The following RASSF6 variants were observed in gnomAD, a reference collection of about 807,000 sequenced individuals.
RASSF6 encodes Ras association domain family member 6, also known as ras association domain-containing protein 6.
RASSF6 carries 52 observed loss-of-function variants against 44.0 expected under a neutral mutation model. The ratio of observed to expected loss-of-function variants is 1.18; its 90% CI spans 0.95 to 1.49. RASSF6 has a LOEUF of 1.49. Ranked by LOEUF, RASSF6 falls within the 40% of genes most tolerant of loss-of-function variation. RASSF6 has a pLI of 0.00. For missense variants in RASSF6, 464 were observed against 393.3 expected (o/e 1.18, Z -1.52); for synonymous variants, 162 against 124.6 (o/e 1.30, Z -2.00).
intron 2 of RASSF6, among the ~76,000 whole-genome samples, chr4:73,607,112 A>T (rs985817843): frequency 6.6e-6 from 1 of 152,224 alleles, no homozygotes; most frequent in Non-Finnish European, 1.5e-5. Flanking sequence ...CCTTGCTGCT[A>T]TTCAGAGGAT....
chr4:73,580,682 T>C (rs1203227236), intron 8 of RASSF6, among the ~76,000 whole-genome samples: 1 of 149,036 alleles, frequency 6.7e-6, no homozygotes, highest in East Asian at 2.0e-4. Flanking sequence ...TTTTGAGAAG[T>C]GTCTATTCAT....
intron 3 of RASSF6, among the ~76,000 whole-genome samples, chr4:73,593,893 TTTTAATTCTCTAATTTTG>T (rs1724751226): frequency 6.6e-6 from 1 of 152,240 alleles, no homozygotes; most frequent in Non-Finnish European, 1.5e-5. Context: ...TTAAGTGGAA[TTTTAATTCTCTAATTTTG>T]TTTAATTTAA....
intron 3 of RASSF6, among the ~76,000 whole-genome samples, chr4:73,595,772 T>A (rs1724898396): frequency 6.6e-6 from 1 of 152,166 alleles, no homozygotes; most frequent in African/African-American, 2.4e-5. Flanking sequence ...CACTTCTTTA[T>A]AAAGAGATTA....
intron 8 of RASSF6, among the ~76,000 whole-genome samples, chr4:73,580,978 G>T (rs1363933734): frequency 1.3e-5 from 2 of 151,298 alleles, no homozygotes; most frequent in Non-Finnish European, 2.9e-5. Context: ...TAATGCCTAG[G>T]TTTTCTTCTA....
intron 2 of RASSF6, among the ~76,000 whole-genome samples, chr4:73,606,775 A>T (rs1030337565): frequency 6.6e-5 from 10 of 152,096 alleles, no homozygotes; most frequent in Admixed American, 5.9e-4. Flanking sequence ...TTCTGTGCTT[A>T]TTGAGAATGA....
At position 73,572,253 on chromosome 4, in the gene RASSF6, T is replaced by C. The variant is rs1202626038; in HGVS notation, c.*3982A>G. 6.6e-6 allele frequency: 1 copy of C among 152,126 alleles called. No individual in the cohort carries two copies. Among genetic ancestry groups the C allele is most frequent in the Non-Finnish European group, 1.5e-5 (1 of 68,010 alleles). The allele number at this position is 152,126 out of a possible 1,614,324, so 9.4% of individuals were successfully genotyped here. A position where few individuals can be genotyped will look rare whatever the true frequency, so the allele number is the denominator to read the frequency against. On this transcript the variant is annotated 3_prime_UTR_variant, in exon 11 of 11. Transcript: ENST00000307439. ...GGTCTTTCCAGGGCTGCTCAGGACA[T>C]GGCAGTTGACTTCCCCCAGAGCAAG...
At chr4:73,591,126 A>T (rs62312137) in intron 4 of RASSF6, among the ~76,000 whole-genome samples, 6 of 152,024 alleles carry the variant, frequency 3.9e-5, no homozygotes, top group East Asian at 3.9e-4. Flanking sequence ...GTTAAATAAG[A>T]GAATTTTTTA....
At chr4:73,581,167 CTT>C (rs1425699250) in intron 8 of RASSF6, among the ~76,000 whole-genome samples, 3 of 152,086 alleles carry the variant, frequency 2.0e-5, no homozygotes, top group Admixed American at 6.6e-5. Context: ...CATTCTGACA[CTT>C]AAATTATAGC....
chr4:73,582,288 T>A lies in RASSF6; in HGVS notation c.570A>T (p.Thr190=), dbSNP rs970663284. ...ATTCAAAGGCTGGAATGAAAATTGATGTCTAGAAAAAGAATTGTCACATAA... is the reference window on the plus strand; with the variant it reads ...ATTCAAAGGCTGGAATGAAAATTGAAGTCTAGAAAAAGAATTGTCACATAA... ...SINGHFYNHE[T]SIFIPAFESE... is the part of the protein sequence containing the mutation. Residue 190 remains threonine (T), a splice_region_variant and synonymous_variant, in exon 7 of 11, where the codon ACA becomes ACT. Transcript: ENST00000307439. The A allele has an allele frequency of 1.3e-6, 2 of 1,533,598 alleles. No individual in the cohort carries two copies. The highest frequency in any genetic ancestry group is 2.7e-5 in the African/African-American group (2 of 73,038). The allele number at this position is 1,533,598 out of a possible 1,614,324, so 95.0% of individuals were successfully genotyped here.
At chr4:73,596,517 G>C (rs1355108732) in intron 3 of RASSF6, among the ~76,000 whole-genome samples, 1 of 152,186 alleles carries the variant, frequency 6.6e-6, no homozygotes, top group Non-Finnish European at 1.5e-5. Context: ...TCATGGATAG[G>C]AAGAATTAAT....
intron 1 of RASSF6, among the ~76,000 whole-genome samples, chr4:73,619,803 T>G (rs534117052): frequency 6.6e-6 from 1 of 151,672 alleles, no homozygotes; most frequent in East Asian, 1.9e-4. Flanking sequence ...TTTTTTTTGG[T>G]GGGGGGCATG....
At chr4:73,587,183 T>C (rs1724163133) in intron 5 of RASSF6, among the ~76,000 whole-genome samples, 1 of 152,116 alleles carries the variant, frequency 6.6e-6, no homozygotes, top group African/African-American at 2.4e-5. Context: ...AGATTACAGC[T>C]ATCAATATCA....
In RASSF6 at chr4:73,575,451, A is replaced by G. The variant is rs185579869; in HGVS notation, c.*784T>C. 3 of 152,180 alleles carry G rather than the reference A, an allele frequency of 2.0e-5. No homozygotes were observed. The highest frequency in any genetic ancestry group is 2.9e-5 in the Non-Finnish European group (2 of 68,032). The allele number at this position is 152,180 out of a possible 1,614,324, so 9.4% of individuals were successfully genotyped here. A position where few individuals can be genotyped will look rare whatever the true frequency, so the allele number is the denominator to read the frequency against. On this transcript the variant is annotated 3_prime_UTR_variant, in exon 11 of 11. Coordinates refer to ENST00000307439, the MANE Select transcript of RASSF6 (RefSeq NM_177532.5). ...CCATTGTATTCATTCAGCAACAAAT[A>G]GGTATTTGTGGGCCAAGTCTTACTT... is the stretch of plus-strand genomic sequence containing the variant.
At chr4:73,606,267 A>G (rs1725622297) in intron 2 of RASSF6, among the ~76,000 whole-genome samples, 1 of 152,232 alleles carries the variant, frequency 6.6e-6, no homozygotes, top group Admixed American at 6.5e-5. Context: ...CTTTGCAGCA[A>G]TATGGATGCA....
At chr4:73,596,957 T>C (rs1013329116) in intron 3 of RASSF6, among the ~76,000 whole-genome samples, 1 of 152,312 alleles carries the variant, frequency 6.6e-6, no homozygotes, top group Non-Finnish European at 1.5e-5. Flanking sequence ...CTTTACACCA[T>C]ATACAAAAAT....
chr4:73,604,887 T>TC (rs1296878180), intron 2 of RASSF6, among the ~76,000 whole-genome samples: 5 of 150,612 alleles, frequency 3.3e-5, no homozygotes, highest in African/African-American at 4.9e-5. Context: ...TTTCTTTCTT[T>TC]TTTTTTTTTT....
Position 73,587,983 on chromosome 4 carries a change from G to C in RASSF6, c.288-49C>G. On this transcript the variant is annotated intron_variant, in intron 4 of 10. Coordinates refer to ENST00000307439, the MANE Select transcript of RASSF6 (RefSeq NM_177532.5). ...GTACATCAGTTCCATTTATATTGAA[G>C]CCTATGATGGTTTCCAGATTTACAA... 1.7e-6 allele frequency: 2 copies of C among 1,200,334 alleles called. 1 individual carries two copies. Among genetic ancestry groups the C allele is most frequent in the South Asian group, 2.6e-5 (2 of 77,986 alleles). The allele number at this position is 1,200,334 out of a possible 1,614,324, so 74.4% of individuals were successfully genotyped here.
rs1201564654 is a variant in RASSF6, at chr4:73,611,754, A to C, written c.42T>G (p.Ile14Met). 1 of 1,608,918 alleles carries C rather than the reference A, an allele frequency of 6.2e-7. No individual in the cohort carries two copies. The highest frequency in any genetic ancestry group is 1.3e-5 in the African/African-American group (1 of 74,750). The change falls in exon 2 of 11, where the codon ATT (isoleucine) becomes ATG (methionine). Residue 14 changes from isoleucine to methionine, a missense_variant. Physicochemically the swap from Ile to Met is conservative, Grantham distance 10 (BLOSUM62 1). Transcript: ENST00000307439. ...MAHQYPSWIF[I>M]NEKTFITREQ... ...ACCTGGTTATGAATGTCTTCTCATT[A>C]ATGAAGATCCAAGAGGGGTACTGGT...
At chr4:73,614,477 G>C (rs780840508) in intron 1 of RASSF6, among the ~76,000 whole-genome samples, 2 of 152,180 alleles carry the variant, frequency 1.3e-5, no homozygotes, top group Non-Finnish European at 2.9e-5. Flanking sequence ...ATAGCAAAAA[G>C]ACCATCTAAG....
Sources: gnomAD v4.1 joint callset for allele counts (sites outside exome capture counted in the v4.1 genomes callset) on GRCh38, gnomAD v4.1.1 for gene constraint, MANE v1.5 for transcripts, NCBI Gene and HGNC (gene_info 2026-07-23, HGNC 2026-07-21) for gene names.